Variants in RBMS1 observed in about 807,000 individuals in gnomAD.
The protein encoded by RBMS1 is RNA-binding motif, single-stranded-interacting protein 1.
RBMS1 carries 17 observed loss-of-function variants against 62.3 expected under a neutral mutation model. The ratio of observed to expected loss-of-function variants is 0.27; its 90% CI spans 0.19 to 0.41. RBMS1 has a LOEUF of 0.41. Ranked by LOEUF, RBMS1 falls within the 10% of genes least tolerant of loss-of-function variation. The probability of loss-of-function intolerance (pLI) is 1.00; values close to 1 mark genes in which losing one functional copy is unlikely to be tolerated. For missense variants in RBMS1, 334 were observed against 504.5 expected (o/e 0.66, Z 3.24); for synonymous variants, 172 against 170.0 (o/e 1.01, Z -0.09).
intron 1 of RBMS1, among the ~76,000 whole-genome samples, chr2:160,423,793 C>CT (rs1236609840): frequency 6.6e-6 from 1 of 152,096 alleles, no homozygotes; most frequent in Non-Finnish European, 1.5e-5. Flanking sequence ...CCTGTGTCCC[C>CT]TGGTTGGCCT....
intron 4 of RBMS1, among the ~76,000 whole-genome samples, chr2:160,311,214 A>ATCTCTCTC (rs1382938671): frequency 6.5e-4 from 39 of 60,242 alleles, no homozygotes; most frequent in African/African-American, 2.2e-3. Flanking sequence ...AAAAAAATCT[A>ATCTCTCTC]TCTATCTATC....
intron 2 of RBMS1, among the ~76,000 whole-genome samples, chr2:160,358,748 T>C (rs1260792682): frequency 6.6e-6 from 1 of 152,144 alleles, no homozygotes; most frequent in Non-Finnish European, 1.5e-5. Flanking sequence ...TTGGGAAGAC[T>C]AAAACATTTT....
intron 1 of RBMS1, among the ~76,000 whole-genome samples, chr2:160,426,272 A>AGAAAGAAAGAAAG (rs1553522559): frequency 5.3e-4 from 68 of 127,326 alleles, no homozygotes; most frequent in Non-Finnish European, 5.6e-4. Flanking sequence ...AAAGAAAGAA[A>AGAAAGAAAGAAAG]GAAAGAAAGA....
intron 1 of RBMS1, among the ~76,000 whole-genome samples, chr2:160,468,710 G>A (rs1236019511): frequency 1.3e-5 from 2 of 152,094 alleles, no homozygotes; most frequent in African/African-American, 2.4e-5. Flanking sequence ...ACTTCATCTT[G>A]AAGGCTTTTA....
At chr2:160,397,551 G>A (rs1695212155) in intron 1 of RBMS1, among the ~76,000 whole-genome samples, 2 of 152,030 alleles carry the variant, frequency 1.3e-5, no homozygotes, top group South Asian at 4.2e-4. Flanking sequence ...TTGTCTCTAG[G>A]CTGTCACTTG....
chr2:160,296,485 A>G (rs4480947), intron 6 of RBMS1, among the ~76,000 whole-genome samples: 1 of 152,224 alleles, frequency 6.6e-6, no homozygotes, highest in Non-Finnish European at 1.5e-5. Flanking sequence ...CTAATGGTAA[A>G]CATCAGTCAT....
chr2:160,294,322 C>T (rs921658606), intron 6 of RBMS1, among the ~76,000 whole-genome samples: 24 of 152,182 alleles, frequency 1.6e-4, no homozygotes, highest in African/African-American at 1.9e-4. Flanking sequence ...AGAAAGCAGA[C>T]GGCACTAGAA....
chr2:160,409,280 TAAA>T (rs34622117), intron 1 of RBMS1, among the ~76,000 whole-genome samples: 2 of 141,886 alleles, frequency 1.4e-5, no homozygotes, highest in Non-Finnish European at 3.1e-5. Context: ...TTCTTTTCAT[TAAA>T]AAAAAAAAAA....
chr2:160,339,631 T>C (rs1691759357), intron 2 of RBMS1, among the ~76,000 whole-genome samples: 1 of 152,120 alleles, frequency 6.6e-6, no homozygotes, highest in African/African-American at 2.4e-5. Context: ...AACAGCAAAA[T>C]GAATATAGTC....
chr2:160,369,652 T>G (rs886695744), intron 1 of RBMS1, among the ~76,000 whole-genome samples: 1 of 152,172 alleles, frequency 6.6e-6, no homozygotes, highest in Non-Finnish European at 1.5e-5. Context: ...TGAAATGTGG[T>G]CATCTGGGAT....
intron 1 of RBMS1, among the ~76,000 whole-genome samples, chr2:160,413,617 T>C (rs1298230813): frequency 6.6e-6 from 1 of 152,226 alleles, no homozygotes; most frequent in Non-Finnish European, 1.5e-5. Flanking sequence ...CACAGCCATA[T>C]TCTGATGAGT....
intron 1 of RBMS1, among the ~76,000 whole-genome samples, chr2:160,459,941 A>T (rs1264622523): frequency 6.6e-6 from 1 of 152,226 alleles, no homozygotes; most frequent in Non-Finnish European, 1.5e-5. Context: ...CTGCTGAGCC[A>T]GGGGAGGATT....
At position 160,407,763 on chromosome 2, in the gene RBMS1, C is replaced by G. The variant is rs542049162; in HGVS notation, c.76-40372G>C. 2.0e-3 allele frequency: 1,950 copies of G among 981,278 alleles called. 6 individuals are homozygous for G. The Middle Eastern group carries it at 0.022, about 11-fold the overall frequency. The allele number at this position is 981,278 out of a possible 1,614,324, so 60.8% of individuals were successfully genotyped here. ...GTACGGCGCGGCAGCGGGCGAGACT[C>G]GAGCAGCTCGGGCAGCCGCCGCCCT... is the stretch of plus-strand genomic sequence containing the variant. On this transcript the variant is annotated intron_variant, in intron 1 of 13. Coordinates refer to ENST00000348849, the MANE Select transcript of RBMS1 (RefSeq NM_016836.4).
At chr2:160,321,138 T>C (rs937903961) in intron 2 of RBMS1, among the ~76,000 whole-genome samples, 4 of 152,100 alleles carry the variant, frequency 2.6e-5, no homozygotes, top group Non-Finnish European at 4.4e-5. Flanking sequence ...GGAAAATGCA[T>C]GGAGAAAGGG....
At chr2:160,433,238 A>C (rs1682972759) in intron 1 of RBMS1, among the ~76,000 whole-genome samples, 1 of 152,162 alleles carries the variant, frequency 6.6e-6, no homozygotes, top group Non-Finnish European at 1.5e-5. Context: ...ACATGGTGAA[A>C]CCCTGTCTCT....
At chr2:160,462,693 C>T (rs1684517359) in intron 1 of RBMS1, among the ~76,000 whole-genome samples, 1 of 152,188 alleles carries the variant, frequency 6.6e-6, no homozygotes, top group Admixed American at 6.5e-5. Flanking sequence ...ACTGCAACCT[C>T]TGCCTCTCGG....
At position 160,463,759 on chromosome 2, in the gene RBMS1, T is replaced by A. The variant is rs140714575; in HGVS notation, c.75+29530A>T. On this transcript the variant is annotated intron_variant, in intron 1 of 13. Transcript: ENST00000348849. Reference sequence around the variant, plus strand: ...GAGATTGCACCATTGCACACCAGCCTGGGTGACAAGAGTGAAACTCCGTCT... The same window carrying A: ...GAGATTGCACCATTGCACACCAGCCAGGGTGACAAGAGTGAAACTCCGTCT... Among the ~76,000 whole-genome samples, 19 of 152,320 alleles carry A rather than the reference T, an allele frequency of 1.2e-4. No individual in the cohort carries two copies. The East Asian group carries it at 3.5e-3, about 28-fold the overall frequency.
chr2:160,416,687 G>C (rs1696224762), intron 1 of RBMS1, among the ~76,000 whole-genome samples: 1 of 152,014 alleles, frequency 6.6e-6, no homozygotes. Flanking sequence ...TAGAAATATA[G>C]AATTTCAGAG....
chr2:160,274,468 T>G lies in RBMS1; in HGVS notation c.*304A>C, dbSNP rs866126925. Reference sequence around the variant, plus strand: ...ATTGAAGTTTTCTTTTCTTTTTTTTTTTCTTTTTCTTTTTTTGCATCATAA... The same window carrying G: ...ATTGAAGTTTTCTTTTCTTTTTTTTGTTCTTTTTCTTTTTTTGCATCATAA... On this transcript the variant is annotated 3_prime_UTR_variant, in exon 14 of 14. Transcript: ENST00000348849. The G allele has an allele frequency of 3.2e-5, 4 of 123,920 alleles. No individual in the cohort carries two copies. The highest frequency in any genetic ancestry group is 5.8e-5 in the Non-Finnish European group (3 of 51,736). The allele number at this position is 123,920 out of a possible 1,614,324, so 7.7% of individuals were successfully genotyped here.
Sources: gnomAD v4.1 joint callset for allele counts (sites outside exome capture counted in the v4.1 genomes callset) on GRCh38, gnomAD v4.1.1 for gene constraint, MANE v1.5 for transcripts, NCBI Gene and HGNC (gene_info 2026-07-23, HGNC 2026-07-21) for gene names.